RPRD2: variants seen among roughly 807,000 people sequenced by gnomAD.
RPRD2 encodes the protein regulation of nuclear pre-mRNA domain containing 2, also known as regulation of nuclear pre-mRNA domain-containing protein 2.
A neutral mutation model predicts 104.4 loss-of-function variants in RPRD2; 12 were observed. That is an observed-to-expected ratio of 0.11 (90% CI 0.07 to 0.19). The LOEUF is 0.19. Among genes scored for constraint, RPRD2 ranks in the 10% least tolerant of loss-of-function variants. The pLI is 1.00. For missense variants in RPRD2, 1,543 were observed against 1,790.1 expected, an observed-to-expected ratio of 0.86 and a Z score of 2.49; for synonymous variants, 714 against 684.9, an observed-to-expected ratio of 1.04 and a Z score of -0.66.
At chr1:150,400,874 C>T (rs1662931168) in intron 1 of RPRD2, among the ~76,000 whole-genome samples, 1 of 148,636 alleles carries the variant, frequency 6.7e-6, no homozygotes, top group South Asian at 2.1e-4. Context: ...TTTCATAGTA[C>T]TTTTTTTTTT....
chr1:150,393,807 G>A (rs1388894183), intron 1 of RPRD2, among the ~76,000 whole-genome samples: 1 of 152,036 alleles, frequency 6.6e-6, no homozygotes, highest in Non-Finnish European at 1.5e-5. Context: ...AGGACATCTG[G>A]CTTGGATCAT....
chr1:150,468,882 A>G (rs907383981), intron 10 of RPRD2, among the ~76,000 whole-genome samples: 4 of 152,088 alleles, frequency 2.6e-5, no homozygotes, highest in Admixed American at 6.6e-5. Context: ...GTCTCTTGAA[A>G]AAAAAAAAGG....
rs1264436080 is a variant in RPRD2 at position 150,470,889 on chromosome 1, C to T, written c.1941C>T (p.Thr647=). 1.2e-6 allele frequency: 2 copies of T among 1,613,966 alleles called. No homozygotes were observed. The highest frequency in any genetic ancestry group is 1.1e-5 in the South Asian group (1 of 91,086). The change falls in exon 11 of 11, where the codon ACC becomes ACT. Residue 647 remains threonine (T), a synonymous_variant. Coordinates refer to ENST00000369068, the MANE Select transcript of RPRD2 (RefSeq NM_015203.5). The part of the protein sequence containing the change: ...TSPAAPPTEV[T]ICQSSEVSKP... ...CTGCTGCCCCACCTACTGAAGTTACCATCTGCCAATCTTCAGAGGTCTCCA... is the reference window on the plus strand; with the variant it reads ...CTGCTGCCCCACCTACTGAAGTTACTATCTGCCAATCTTCAGAGGTCTCCA...
Position 150,472,772 on chromosome 1 carries a change from C to A in RPRD2, c.3824C>A (p.Pro1275His), listed in dbSNP as rs777036820. The part of the protein sequence containing the change: ...IPFPTPPPPP[P>H]PGEHSSSGGS... ...TTCCCTACCCCACCTCCTCCTCCCC[C>A]TCCTGGGGAACATAGCAGCAGTGGT... The change falls in exon 11 of 11, where the codon CCT becomes CAT. Residue 1275 changes from proline to histidine, a missense_variant. Physicochemically the swap from Pro to His is moderately conservative, Grantham distance 77. This residue lies in a region of RPRD2 where 880 missense variants were observed against 885.6 expected (regional missense o/e 0.99). Transcript: ENST00000369068. 5 of 1,608,762 alleles carry A rather than the reference C, an allele frequency of 3.1e-6. No individual in the cohort carries two copies. Among genetic ancestry groups the A allele is most frequent in the Middle Eastern group, 1.7e-4 (1 of 6,048 alleles).
Position 150,364,886 on chromosome 1 carries a change from A to G in RPRD2, c.172A>G (p.Ile58Val), listed in dbSNP as rs782411862. ...CIENKKHHST[I>V]VYHWMKWLRR... is the part of the protein sequence containing the mutation. ...AGAGAACAAAAAACACCACAGTACT[A>G]TCGTCTATCATTGGATGAAGTGGCT... Residue 58 changes from isoleucine to valine, a missense_variant, in exon 1 of 11, where the codon ATC (isoleucine) becomes GTC (valine). Transcript: ENST00000369068. 2.5e-6 allele frequency: 4 copies of G among 1,613,954 alleles called. No individual in the cohort carries two copies. Among genetic ancestry groups the G allele is most frequent in the Admixed American group, 1.7e-5 (1 of 60,020 alleles).
At chr1:150,428,691 A>G (rs1361132975) in intron 2 of RPRD2, among the ~76,000 whole-genome samples, 1 of 152,046 alleles carries the variant, frequency 6.6e-6, no homozygotes, top group African/African-American at 2.4e-5. Flanking sequence ...AAATGTTACT[A>G]AGGACCTGTA....
chr1:150,387,645 G>A (rs1358642307), intron 1 of RPRD2, among the ~76,000 whole-genome samples: 2 of 126,346 alleles, frequency 1.6e-5, no homozygotes, highest in Non-Finnish European at 3.1e-5. Flanking sequence ...AGGCTGGAGT[G>A]CAGTGGCGTG....
intron 1 of RPRD2, among the ~76,000 whole-genome samples, chr1:150,389,413 G>T (rs587722737): frequency 6.6e-6 from 1 of 152,260 alleles, no homozygotes; most frequent in African/African-American, 2.4e-5. Context: ...ATGTGGGTTT[G>T]TCTGTTTTTT....
chr1:150,406,582 A>G (rs1390314062), intron 1 of RPRD2, among the ~76,000 whole-genome samples: 2 of 151,690 alleles, frequency 1.3e-5, no homozygotes, highest in Admixed American at 1.3e-4. Context: ...AATTTTTACT[A>G]TAGATGGGGT....
intron 1 of RPRD2, among the ~76,000 whole-genome samples, chr1:150,416,627 G>A (rs1664346635): frequency 6.6e-6 from 1 of 151,914 alleles, no homozygotes; most frequent in African/African-American, 2.4e-5. Context: ...CCAGCACTTT[G>A]GGGAGGCCAA....
At chr1:150,442,808 G>T (rs1666495357) in intron 4 of RPRD2, among the ~76,000 whole-genome samples, 1 of 152,090 alleles carries the variant, frequency 6.6e-6, no homozygotes, top group African/African-American at 2.4e-5. Context: ...AAATTCAAAG[G>T]ATAAATTTAT....
intron 7 of RPRD2, among the ~76,000 whole-genome samples, chr1:150,446,706 G>A (rs1423833284): frequency 6.6e-6 from 1 of 151,954 alleles, no homozygotes; most frequent in Non-Finnish European, 1.5e-5. Flanking sequence ...CTGTGATCAC[G>A]CCACTGCACC....
chr1:150,413,597 C>CT (rs1188062241), intron 1 of RPRD2, among the ~76,000 whole-genome samples: 1 of 148,920 alleles, frequency 6.7e-6, no homozygotes, highest in East Asian at 2.0e-4. Flanking sequence ...GAGTGAAACT[C>CT]TGTCTCAATA....
chr1:150,428,530 G>A (rs1267147891), intron 2 of RPRD2, among the ~76,000 whole-genome samples: 1 of 147,850 alleles, frequency 6.8e-6, no homozygotes, highest in African/African-American at 2.5e-5. Context: ...ACTAAGTATT[G>A]ACTGCCTCTC....
intron 1 of RPRD2, among the ~76,000 whole-genome samples, chr1:150,404,762 G>T (rs1455210509): frequency 2.6e-5 from 4 of 152,120 alleles, no homozygotes; most frequent in Non-Finnish European, 4.4e-5. Flanking sequence ...GTGCCACTGT[G>T]CCCGGCCTCG....
chr1:150,421,168 A>G (rs1052279674), intron 2 of RPRD2, among the ~76,000 whole-genome samples: 8 of 152,236 alleles, frequency 5.3e-5, no homozygotes, highest in African/African-American at 1.7e-4. Flanking sequence ...TAACTCAGCT[A>G]AATAGCCAGA....
At chr1:150,365,003 A>G in intron 1 of RPRD2, 84 bp downstream of exon 1, 2 of 1,405,158 alleles carry the variant, frequency 1.4e-6, no homozygotes, top group Non-Finnish European at 2.0e-6. Context: ...TTTCCCACGG[A>G]GCCGCAGCAT....
Position 150,471,727 on chromosome 1 carries a change from C to A in RPRD2, c.2779C>A (p.Arg927=). The change falls in exon 11 of 11, where the codon CGG becomes AGG. Residue 927 remains arginine, a synonymous_variant. Coordinates refer to ENST00000369068, the MANE Select transcript of RPRD2 (RefSeq NM_015203.5). The surrounding 1 kb of genome is among the most constrained non-coding windows in gnomAD (Gnocchi z 5.3). ...SVRGNEPGSD[R]SPSPSKNDSF... ...AAGAGGGAATGAACCTGGGTCTGACCGGTCACCATCACCGAGTAAGAATGA... is the reference window on the plus strand; with the variant it reads ...AAGAGGGAATGAACCTGGGTCTGACAGGTCACCATCACCGAGTAAGAATGA... 1 of 1,613,848 alleles carries A rather than the reference C, an allele frequency of 6.2e-7. No homozygotes were observed. The highest frequency in any genetic ancestry group is 8.5e-7 in the Non-Finnish European group (1 of 1,179,874).
chr1:150,406,264 T>C (rs587634495), intron 1 of RPRD2, among the ~76,000 whole-genome samples: 13 of 152,320 alleles, frequency 8.5e-5, no homozygotes, highest in Admixed American at 7.8e-4. Flanking sequence ...TTCTGTACTG[T>C]CTGGTTTCAG....
Sources: gnomAD v4.1 joint callset for allele counts (sites outside exome capture counted in the v4.1 genomes callset) on GRCh38, gnomAD v4.1.1 for gene constraint, gnomAD v4.1.1 regional missense constraint, Gnocchi (gnomAD v3.1) non-coding constraint, MANE v1.5 for transcripts, NCBI Gene and HGNC (gene_info 2026-07-23, HGNC 2026-07-21) for gene names.